The following PPM1L variants were observed in gnomAD, a reference collection of about 807,000 sequenced individuals.
PPM1L encodes the protein protein phosphatase, Mg2+/Mn2+ dependent 1L.
PPM1L carries 13 observed loss-of-function variants against 31.4 expected under a neutral mutation model. The observed-to-expected ratio is 0.41, with a 90% CI of 0.27 to 0.66. The LOEUF is 0.66. PPM1L is among the 30% of genes least tolerant of loss of function. The pLI, the probability that PPM1L is intolerant of heterozygous loss-of-function variation, is 0.29. For synonymous variants in PPM1L, 184 were observed against 175.4 expected, an observed-to-expected ratio of 1.05 and a Z score of -0.39; for missense variants, 326 against 453.7, an observed-to-expected ratio of 0.72 and a Z score of 2.56.
chr3:160,810,701 G>A (rs113049840), intron 1 of PPM1L, among the ~76,000 whole-genome samples: 3 of 152,146 alleles, frequency 2.0e-5, no homozygotes, highest in African/African-American at 7.2e-5. Context: ...AGCAAATCCT[G>A]GATGAGAGTT....
At chr3:160,911,267 C>G (rs1713963078) in intron 1 of PPM1L, among the ~76,000 whole-genome samples, 1 of 152,180 alleles carries the variant, frequency 6.6e-6, no homozygotes, top group South Asian at 2.1e-4. Context: ...AAGTATATGT[C>G]ACTGTCAGAG....
At chr3:160,907,678 C>A (rs1363476759) in intron 1 of PPM1L, among the ~76,000 whole-genome samples, 1 of 151,996 alleles carries the variant, frequency 6.6e-6, no homozygotes, top group Non-Finnish European at 1.5e-5. Context: ...TAAGGATAAT[C>A]AAAAAGGGAT....
intron 2 of PPM1L, among the ~76,000 whole-genome samples, chr3:161,034,895 T>C (rs540115947): frequency 1.3e-5 from 2 of 148,798 alleles, no homozygotes; most frequent in African/African-American, 5.0e-5. Context: ...CATGGAATAC[T>C]ATGCAGCCAT....
At chr3:160,934,701 C>G (rs142614106) in intron 1 of PPM1L, among the ~76,000 whole-genome samples, 164 of 152,092 alleles carry the variant, frequency 1.1e-3, no homozygotes, top group African/African-American at 3.9e-3. Context: ...ACCTGTAATC[C>G]CAGCACTTTG....
intron 2 of PPM1L, among the ~76,000 whole-genome samples, chr3:161,047,016 T>C (rs993366262): frequency 6.6e-6 from 1 of 152,172 alleles, no homozygotes; most frequent in Non-Finnish European, 1.5e-5. Context: ...GGCATTCCCT[T>C]TGAAAACTGG....
chr3:161,013,655 A>G (rs12696113), intron 2 of PPM1L, among the ~76,000 whole-genome samples: 50,546 of 151,646 alleles, frequency 0.33, 9,000 homozygotes, highest in East Asian at 0.63. Context: ...TTGTGTGGGA[A>G]TCTAAGTCTC....
chr3:160,954,721 C>G (rs1355004768), intron 1 of PPM1L, among the ~76,000 whole-genome samples: 1 of 152,048 alleles, frequency 6.6e-6, no homozygotes, highest in Non-Finnish European at 1.5e-5. Context: ...TTTTATAACA[C>G]AATTTTTAAT....
intron 2 of PPM1L, among the ~76,000 whole-genome samples, chr3:161,044,895 C>A (rs995440474): frequency 8.5e-5 from 13 of 152,226 alleles, no homozygotes; most frequent in Middle Eastern, 3.4e-3. Flanking sequence ...TGCAGAGACA[C>A]ACATAGGCTC....
chr3:161,064,846 C>T (rs775745828), intron 2 of PPM1L, among the ~76,000 whole-genome samples: 2 of 152,136 alleles, frequency 1.3e-5, no homozygotes, highest in Non-Finnish European at 2.9e-5. Context: ...GCCTCCATCA[C>T]ACCCTGGAGT....
intron 2 of PPM1L, among the ~76,000 whole-genome samples, chr3:160,997,101 G>A (rs569193629): frequency 2.0e-5 from 3 of 152,302 alleles, no homozygotes; most frequent in Admixed American, 6.5e-5. Context: ...GATCTGGAAA[G>A]TTAAAAGGTA....
At chr3:160,814,566 T>C in intron 1 of PPM1L, among the ~76,000 whole-genome samples, 1 of 101,548 alleles carries the variant, frequency 9.8e-6, no homozygotes, top group Non-Finnish European at 2.1e-5. Flanking sequence ...CACATATGTA[T>C]GTATGTGTAT....
chr3:160,788,881 T>G (rs1204742607), intron 1 of PPM1L, among the ~76,000 whole-genome samples: 1 of 151,974 alleles, frequency 6.6e-6, no homozygotes, highest in Non-Finnish European at 1.5e-5. Context: ...TTATTACTTT[T>G]CATGAAGCCA....
At chr3:160,774,499 A>T (rs983832954) in intron 1 of PPM1L, among the ~76,000 whole-genome samples, 3 of 152,020 alleles carry the variant, frequency 2.0e-5, no homozygotes, top group African/African-American at 7.2e-5. Context: ...TTCTTTTTTT[A>T]AAAAAACCTC....
chr3:160,988,741 A>C (rs535736529), intron 2 of PPM1L, among the ~76,000 whole-genome samples: 1 of 152,300 alleles, frequency 6.6e-6, no homozygotes, highest in African/African-American at 2.4e-5. Flanking sequence ...GTCTTTAACT[A>C]TCAAAGCCTT....
At chr3:160,943,136 G>A (rs1715215626) in intron 1 of PPM1L, among the ~76,000 whole-genome samples, 1 of 152,142 alleles carries the variant, frequency 6.6e-6, no homozygotes, top group African/African-American at 2.4e-5. Context: ...AGGATTATCT[G>A]CCAATGGAGG....
intron 2 of PPM1L, among the ~76,000 whole-genome samples, chr3:161,002,608 A>G (rs1441587288): frequency 6.8e-6 from 1 of 147,568 alleles, no homozygotes; most frequent in East Asian, 2.0e-4. Context: ...GCATTTTTTC[A>G]TGTGTTTTTT....
intron 1 of PPM1L, among the ~76,000 whole-genome samples, chr3:160,921,122 C>T (rs918746142): frequency 1.3e-5 from 2 of 152,126 alleles, no homozygotes; most frequent in African/African-American, 4.8e-5. Context: ...ATAGTATGTT[C>T]CTGTAAAGAA....
chr3:161,041,338 A>C (rs1718897912), intron 2 of PPM1L, among the ~76,000 whole-genome samples: 1 of 152,178 alleles, frequency 6.6e-6, no homozygotes, highest in South Asian at 2.1e-4. Context: ...TGCCTCCCTA[A>C]AAGGTTTAAA....
chr3:160,757,426 G>C (rs1714841757), intron 1 of PPM1L, among the ~76,000 whole-genome samples: 1 of 152,264 alleles, frequency 6.6e-6, no homozygotes, highest in Non-Finnish European at 1.5e-5. Flanking sequence ...GCCCTGGCGG[G>C]CTTAGGGGTG....
Sources: gnomAD v4.1 joint callset for allele counts (sites outside exome capture counted in the v4.1 genomes callset) on GRCh38, gnomAD v4.1.1 for gene constraint, MANE v1.5 for transcripts, NCBI Gene and HGNC (gene_info 2026-07-23, HGNC 2026-07-21) for gene names.